The following AMBRA1 variants were observed in gnomAD, a reference collection of about 807,000 sequenced individuals.
AMBRA1 encodes the protein autophagy and beclin 1 regulator 1.
Under a neutral mutation model 125.4 loss-of-function variants are expected in AMBRA1, and 47 were observed. That is an observed-to-expected ratio of 0.37 (90% CI 0.30 to 0.48). The LOEUF (loss-of-function observed/expected upper bound fraction) is 0.48. Among genes scored for constraint, AMBRA1 ranks in the 20% least tolerant of loss-of-function variants. The probability of loss-of-function intolerance (pLI) is 0.99; values close to 1 mark genes in which losing one functional copy is unlikely to be tolerated. For synonymous variants in AMBRA1, 626 were observed against 655.5 expected (o/e 0.95, Z 0.69); for missense variants, 1,331 against 1,693.4 (o/e 0.79, Z 3.76).
chr11:46,500,893 C>CT (rs1182834548), intron 9 of AMBRA1, among the ~76,000 whole-genome samples: 2 of 152,204 alleles, frequency 1.3e-5, no homozygotes, highest in African/African-American at 4.8e-5. Context: ...TTATTACAGT[C>CT]TATCTTTTTA....
At chr11:46,450,711 G>C (rs576803833) in intron 11 of AMBRA1, among the ~76,000 whole-genome samples, 1 of 152,216 alleles carries the variant, frequency 6.6e-6, no homozygotes, top group East Asian at 1.9e-4. Flanking sequence ...CCAAAGTGTT[G>C]GGATTATAGG....
At position 46,436,673 on chromosome 11, in the gene AMBRA1, C is replaced by T. The variant is rs188980485; in HGVS notation, c.2633-1636G>A. ...CAAAAACAAAAACAAAAACAAAACA[C>T]GGCAATATCCCTCTCCTTTTCTGGA... On this transcript the variant is annotated intron_variant, in intron 12 of 17. Coordinates refer to ENST00000683756, the MANE Select transcript of AMBRA1 (RefSeq NM_001387011.1). Among the ~76,000 whole-genome samples the T allele has an allele frequency of 1.4e-3, 208 of 151,986 alleles. No homozygotes were observed. In the Middle Eastern group the frequency reaches 0.017, roughly 13 times the overall value.
chr11:46,493,738 G>T (rs1198777261), intron 10 of AMBRA1, 30 bp from the exon 11 acceptor site: 3 of 1,541,552 alleles, frequency 1.9e-6, no homozygotes, highest in South Asian at 1.2e-5. Context: ...GTGAAAAGCT[G>T]ACTAAAGACT....
intron 1 of AMBRA1, among the ~76,000 whole-genome samples, chr11:46,573,841 G>A (rs1432059494): frequency 9.0e-6 from 1 of 110,710 alleles, no homozygotes; most frequent in Non-Finnish European, 1.7e-5. Flanking sequence ...ACAGTCCCCA[G>A]AGTGTGATAT....
intron 1 of AMBRA1, among the ~76,000 whole-genome samples, chr11:46,573,318 C>T (rs1190712690): frequency 3.3e-5 from 5 of 151,732 alleles, no homozygotes; most frequent in Non-Finnish European, 5.9e-5. Flanking sequence ...GGCAGAGAAT[C>T]GCTGGAACCC....
rs559632271 is a variant in AMBRA1, at chr11:46,519,124, A to G, written c.2073-6311T>C. Reference sequence around the variant, plus strand: ...CTGCAACTTCTGCTTCCTGTGCTTAAGCAATTCTCTTGCCTCAGCCTCCCG... The same window carrying G: ...CTGCAACTTCTGCTTCCTGTGCTTAGGCAATTCTCTTGCCTCAGCCTCCCG... On this transcript the variant is annotated intron_variant, in intron 7 of 17. Coordinates refer to ENST00000683756, the MANE Select transcript of AMBRA1 (RefSeq NM_001387011.1). Among the ~76,000 whole-genome samples the G allele has an allele frequency of 2.0e-5, 3 of 152,298 alleles. No homozygotes were observed. The East Asian group carries it at 5.8e-4, about 29-fold the overall frequency.
At chr11:46,538,108 T>G (rs976364870) in intron 7 of AMBRA1, among the ~76,000 whole-genome samples, 1 of 152,188 alleles carries the variant, frequency 6.6e-6, no homozygotes, top group Non-Finnish European at 1.5e-5. Flanking sequence ...CCAGCACCTG[T>G]TTGTCTTAGT....
At chr11:46,450,797 T>C (rs1466954951) in intron 11 of AMBRA1, among the ~76,000 whole-genome samples, 1 of 152,226 alleles carries the variant, frequency 6.6e-6, no homozygotes, top group African/African-American at 2.4e-5. Flanking sequence ...CAATGTTGGA[T>C]ACATGGCACA....
At chr11:46,509,132 G>A (rs952807856) in intron 8 of AMBRA1, among the ~76,000 whole-genome samples, 1 of 152,220 alleles carries the variant, frequency 6.6e-6, no homozygotes, top group East Asian at 1.9e-4. Context: ...AATATGGAAG[G>A]TGAGAGTTGT....
At chr11:46,462,542 C>T (rs1271930707) in intron 11 of AMBRA1, among the ~76,000 whole-genome samples, 2 of 152,162 alleles carry the variant, frequency 1.3e-5, no homozygotes, top group South Asian at 2.1e-4. Context: ...TCGATCTGGA[C>T]CTGTCTGTCA....
intron 11 of AMBRA1, among the ~76,000 whole-genome samples, chr11:46,462,110 G>T (rs549660325): frequency 6.6e-6 from 1 of 152,188 alleles, no homozygotes; most frequent in South Asian, 2.1e-4. Flanking sequence ...GATATCTGAC[G>T]AGATTAAAAT....
Position 46,583,652 on chromosome 11 carries a change from C to CAAA in AMBRA1, c.-121+10173_-121+10175dup, listed in dbSNP as rs1398623719. 1.4e-3 allele frequency among the ~76,000 whole-genome samples: 18 copies of CAAA among 12,556 alleles called. 1 individual carries two copies. The highest frequency in any genetic ancestry group is 2.4e-3 in the African/African-American group (10 of 4,142). 8.2% of individuals were successfully genotyped at this position (12,556 alleles called of 152,430 possible). On this transcript the variant is annotated intron_variant, in intron 1 of 17. Coordinates refer to ENST00000683756, the MANE Select transcript of AMBRA1 (RefSeq NM_001387011.1). ...TCTACAATGAACTCAAACAAATTTCCAAAAAAAAAAAAAAAAAAAAAAAAA... is the reference window on the plus strand; with the variant it reads ...TCTACAATGAACTCAAACAAATTTCCAAAAAAAAAAAAAAAAAAAAAAAAAAAA...
chr11:46,577,679 G>A (rs57923752), intron 1 of AMBRA1, among the ~76,000 whole-genome samples: 1,789 of 152,202 alleles, frequency 0.012, 43 homozygotes, highest in African/African-American at 0.041. Flanking sequence ...AGCCAGGCGC[G>A]GTGGCTCATG....
Position 46,420,011 on chromosome 11 carries a change from C to CACACACACACACACACACACACACAT in AMBRA1, c.2977-1960_2977-1959insATGTGTGTGTGTGTGTGTGTGTGTGT, listed in dbSNP as rs1469606704. On this transcript the variant is annotated intron_variant, in intron 14 of 17. Coordinates refer to ENST00000683756, the MANE Select transcript of AMBRA1 (RefSeq NM_001387011.1). ...TGTCCTCAATACACACACACACACA[C>CACACACACACACACACACACACACAT]ACACACACACTCTTCCAGGTGTTGT... Among the ~76,000 whole-genome samples, 7 of 151,942 alleles carry CACACACACACACACACACACACACAT rather than the reference C, an allele frequency of 4.6e-5. No individual in the cohort carries two copies. The East Asian group carries it at 1.4e-3, about 29-fold the overall frequency.
At chr11:46,577,011 T>C (rs574769962) in intron 1 of AMBRA1, among the ~76,000 whole-genome samples, 2 of 152,306 alleles carry the variant, frequency 1.3e-5, no homozygotes, top group South Asian at 4.1e-4. Context: ...AGCCAACAAC[T>C]CTGAAATCAC....
chr11:46,419,400 A>G (rs1282323069), intron 14 of AMBRA1, among the ~76,000 whole-genome samples: 1 of 148,248 alleles, frequency 6.7e-6, no homozygotes, highest in East Asian at 1.9e-4. Flanking sequence ...CTACAAAACA[A>G]TATCTCTAGA....
chr11:46,410,186 C>A (rs1341535509), intron 16 of AMBRA1, 90 bp downstream of exon 16: 8 of 1,193,664 alleles, frequency 6.7e-6, no homozygotes, highest in Non-Finnish European at 1.0e-5. Context: ...GGACCCAGAG[C>A]CCTAGAGGGC....
chr11:46,553,936 A>G (rs907542496), intron 1 of AMBRA1, among the ~76,000 whole-genome samples: 2 of 152,112 alleles, frequency 1.3e-5, no homozygotes, highest in African/African-American at 4.8e-5. Context: ...TGAATAGGCT[A>G]AGGATGAACT....
intron 1 of AMBRA1, among the ~76,000 whole-genome samples, chr11:46,568,219 T>C (rs1385294573): frequency 6.7e-6 from 1 of 150,006 alleles, no homozygotes; most frequent in Non-Finnish European, 1.5e-5. Context: ...GCACTCTGGG[T>C]GGCCGAGGCA....
Sources: allele counts gnomAD v4.1 joint callset (sites outside exome capture counted in the v4.1 genomes callset), GRCh38; gene constraint gnomAD v4.1.1; transcripts MANE v1.5; gene names NCBI Gene and HGNC (gene_info 2026-07-23, HGNC 2026-07-21).